The following PLA2R1 variants were observed in gnomAD, a reference collection of about 807,000 sequenced individuals.
PLA2R1 encodes the protein secretory phospholipase A2 receptor.
Under a neutral mutation model 195.9 loss-of-function variants are expected in PLA2R1, and 158 were observed. The ratio of observed to expected loss-of-function variants is 0.81; its 90% CI spans 0.71 to 0.92. The LOEUF (loss-of-function observed/expected upper bound fraction) is 0.92, where lower values mean the gene tolerates loss of function less well. Among genes scored for constraint, PLA2R1 ranks in the 40% least tolerant of loss-of-function variants. PLA2R1 has a pLI of 0.00. For synonymous variants in PLA2R1, 586 were observed against 598.2 expected, an observed-to-expected ratio of 0.98 and a Z score of 0.30; for missense variants, 1,626 against 1,764.6, an observed-to-expected ratio of 0.92 and a Z score of 1.41.
intron 1 of PLA2R1, among the ~76,000 whole-genome samples, chr2:160,050,495 T>C (rs1331974400): frequency 2.0e-5 from 3 of 152,236 alleles, no homozygotes; most frequent in South Asian, 4.1e-4. Context: ...CTATCTACTA[T>C]ATTCAGTCCA....
intron 23 of PLA2R1, among the ~76,000 whole-genome samples, 154 bp from the exon 24 acceptor site, chr2:159,951,732 T>C (rs1304955329): frequency 6.6e-6 from 1 of 152,210 alleles, no homozygotes; most frequent in Non-Finnish European, 1.5e-5. Flanking sequence ...TATCTGAAAG[T>C]GTAAGTGATG....
intron 4 of PLA2R1, among the ~76,000 whole-genome samples, chr2:160,031,248 G>C (rs1023286897): frequency 1.2e-4 from 19 of 152,248 alleles, no homozygotes; most frequent in African/African-American, 4.1e-4. Flanking sequence ...TATGCACAAA[G>C]GTTTGTGCAG....
chr2:159,961,638 C>T (rs546350016), intron 20 of PLA2R1, among the ~76,000 whole-genome samples: 2 of 152,312 alleles, frequency 1.3e-5, no homozygotes, highest in African/African-American at 4.8e-5. Flanking sequence ...CCGCCATTCT[C>T]ATGCACATAT....
intron 27 of PLA2R1, 67 bp from the exon 28 acceptor site, chr2:159,945,149 T>A: frequency 9.9e-7 from 1 of 1,015,224 alleles, no homozygotes; most frequent in Non-Finnish European, 1.3e-6. Flanking sequence ...AGACTGGAAT[T>A]AACCATAAAA....
chr2:160,043,692 C>T lies in PLA2R1; in HGVS notation c.493+1082G>A, dbSNP rs149226733. Among the ~76,000 whole-genome samples the T allele has an allele frequency of 1.2e-3, 186 of 152,288 alleles. 2 individuals carry two copies. In the Middle Eastern group the frequency reaches 0.054, roughly 45 times the overall value. On this transcript the variant is annotated intron_variant, in intron 2 of 29. Coordinates refer to ENST00000283243, the MANE Select transcript of PLA2R1 (RefSeq NM_007366.5). ...ATGCACCATGAGTGTGGGTATGTGG[C>T]TAAAAAGTTAACATAAAGCAAAATA...
chr2:159,941,844 G>C lies in PLA2R1; in HGVS notation c.4326C>G (p.Thr1442=). ...AGFRNPYYPA[T]NFSTVYLEEN... is the part of the protein sequence containing the mutation. ...CTTCTAAATATACTGTACTAAAGTT[G>C]GTTGCAGGATAGTAAGGATTCCGAA... Residue 1442 remains threonine (T), a synonymous_variant, in exon 30 of 30, where the codon ACC becomes ACG. Coordinates refer to ENST00000283243, the MANE Select transcript of PLA2R1 (RefSeq NM_007366.5). 6.2e-7 allele frequency: 1 copy of C among 1,612,542 alleles called. No individual in the cohort carries two copies. Among genetic ancestry groups the C allele is most frequent in the Non-Finnish European group, 8.5e-7 (1 of 1,178,636 alleles).
rs769510778 is a variant in PLA2R1, at chr2:159,946,817, A to AGC, written c.3949_3950dup (p.Gln1318LeufsTer10). 1.2e-6 allele frequency: 2 copies of AGC among 1,607,600 alleles called. No homozygotes were observed. The highest frequency in any genetic ancestry group is 4.5e-5 in the East Asian group (2 of 44,638). On this transcript the variant is annotated frameshift_variant, in exon 27 of 30. Transcript: ENST00000283243. LOFTEE classifies it high-confidence loss of function. ...ATCACTTACTGTTACCATCAAATTG[A>AGC]GCATTCAACCAAACCATCTGGACAG...
At chr2:160,023,606 G>T (rs1185918140) in intron 6 of PLA2R1, among the ~76,000 whole-genome samples, 1 of 152,222 alleles carries the variant, frequency 6.6e-6, no homozygotes, top group African/African-American at 2.4e-5. Context: ...AGTGTAATCA[G>T]CTGAGCAGCC....
intron 1 of PLA2R1, among the ~76,000 whole-genome samples, chr2:160,051,897 T>C (rs1414521418): frequency 6.6e-6 from 1 of 152,224 alleles, no homozygotes; most frequent in East Asian, 1.9e-4. Flanking sequence ...TTCATGTGTC[T>C]CTTATTCTGA....
At position 159,941,017 on chromosome 2, in the gene PLA2R1, A is replaced by G. The variant is rs1298883022; in HGVS notation, c.*761T>C. The G allele has an allele frequency of 1.3e-5, 2 of 152,196 alleles. No individual in the cohort carries two copies. Among genetic ancestry groups the G allele is most frequent in the Non-Finnish European group, 2.9e-5 (2 of 68,022 alleles). The allele number at this position is 152,196 out of a possible 1,614,324, so 9.4% of individuals were successfully genotyped here. On this transcript the variant is annotated 3_prime_UTR_variant, in exon 30 of 30. Transcript: ENST00000283243. Reference sequence around the variant, plus strand: ...GTTAAAGTTTCAATATATTACTTTAAGCTTATGTATAAGACATTTTAAAAT... The same window carrying G: ...GTTAAAGTTTCAATATATTACTTTAGGCTTATGTATAAGACATTTTAAAAT...
intron 3 of PLA2R1, among the ~76,000 whole-genome samples, chr2:160,034,372 C>G (rs1694045587): frequency 6.6e-6 from 1 of 151,962 alleles, no homozygotes; most frequent in African/African-American, 2.4e-5. Flanking sequence ...GAAGACAAGG[C>G]TATCACCAAG....
intron 25 of PLA2R1, among the ~76,000 whole-genome samples, chr2:159,949,146 T>C (rs1687568157): frequency 6.6e-6 from 1 of 152,176 alleles, no homozygotes; most frequent in Non-Finnish European, 1.5e-5. Flanking sequence ...CACACATGCT[T>C]GAAGCCCATG....
chr2:160,013,415 TTTAG>T, intron 9 of PLA2R1, 40 bp from the exon 10 acceptor site: 1 of 1,155,070 alleles, frequency 8.7e-7, no homozygotes. Context: ...CACAATCTCA[TTTAG>T]TTAAATACCA....
chr2:160,016,511 AGAG>A, intron 9 of PLA2R1, 100 bp downstream of exon 9: 5 of 629,898 alleles, frequency 7.9e-6, no homozygotes, highest in South Asian at 7.9e-5. Context: ...GAAAGAGAGG[AGAG>A]AGAGAGAGGA....
At chr2:160,053,242 A>G (rs1273787661) in intron 1 of PLA2R1, among the ~76,000 whole-genome samples, 3 of 151,816 alleles carry the variant, frequency 2.0e-5, no homozygotes, top group Non-Finnish European at 4.4e-5. Context: ...TCTTATGAGT[A>G]TACCAGTCAT....
intron 21 of PLA2R1, 51 bp from the exon 22 acceptor site, chr2:159,955,879 G>A (rs1332491170): frequency 3.6e-6 from 4 of 1,119,284 alleles, no homozygotes; most frequent in Non-Finnish European, 5.2e-6. Flanking sequence ...AAGCATTTGG[G>A]TAATCACTGC....
At chr2:160,054,064 G>A (rs530710457) in intron 1 of PLA2R1, among the ~76,000 whole-genome samples, 5 of 152,266 alleles carry the variant, frequency 3.3e-5, no homozygotes, top group East Asian at 1.9e-4. Flanking sequence ...GCAAACTACC[G>A]AGCACTTCTT....
intron 10 of PLA2R1, 116 bp downstream of exon 10, chr2:160,013,147 C>T (rs541400737): frequency 1.1e-4 from 52 of 456,464 alleles, no homozygotes; most frequent in Non-Finnish European, 2.1e-4. Flanking sequence ...TAATTTAGTA[C>T]TTTGATGTAT....
At chr2:160,030,294 A>G (rs943019361) in intron 4 of PLA2R1, among the ~76,000 whole-genome samples, 3 of 152,262 alleles carry the variant, frequency 2.0e-5, no homozygotes, top group African/African-American at 7.2e-5. Flanking sequence ...CACCCTTCCA[A>G]GTTTCTGTGG....
Sources: allele counts gnomAD v4.1 joint callset (sites outside exome capture counted in the v4.1 genomes callset), GRCh38; gene constraint gnomAD v4.1.1; transcripts MANE v1.5; gene names NCBI Gene and HGNC (gene_info 2026-07-23, HGNC 2026-07-21).